Variants in RPS6KA6 observed in about 807,000 individuals in gnomAD.
RPS6KA6 encodes ribosomal protein S6 kinase A6, also known as ribosomal protein S6 kinase alpha-6.
Under a neutral mutation model 65.4 loss-of-function variants are expected in RPS6KA6, and 27 were observed. That is an observed-to-expected ratio of 0.41 (90% confidence interval 0.30 to 0.57). The LOEUF (loss-of-function observed/expected upper bound fraction) is 0.57, where lower values mean the gene tolerates loss of function less well. Ranked by LOEUF, RPS6KA6 falls within the 20% of genes least tolerant of loss-of-function variation. The pLI is 0.24. For synonymous variants in RPS6KA6, 190 were observed against 184.2 expected, an observed-to-expected ratio of 1.03 and a Z score of -0.26; for missense variants, 486 against 555.6, an observed-to-expected ratio of 0.87 and a Z score of 1.26.
chrX:84,158,707 C>T (rs1422388702), intron 2 of RPS6KA6, among the ~76,000 whole-genome samples: 2 of 111,387 alleles, frequency 1.8e-5, no homozygotes, highest in Non-Finnish European at 3.8e-5. Context: ...TAGCCATTTG[C>T]CTTTTTAAAT....
At chrX:84,150,679 A>G (rs866099201) in intron 3 of RPS6KA6, among the ~76,000 whole-genome samples, 2 of 108,442 alleles carry the variant, frequency 1.8e-5, no homozygotes, top group Non-Finnish European at 1.9e-5. Flanking sequence ...CGAAACAATG[A>G]CAACACTAAC....
chrX:84,138,789 TTACCTGTG>T (rs2035041469), intron 6 of RPS6KA6, among the ~76,000 whole-genome samples: 1 of 75,760 alleles, frequency 1.3e-5, no homozygotes, highest in Non-Finnish European at 2.5e-5. Flanking sequence ...TTCTGTTTGT[TTACCTGTG>T]TATTTGTGTG....
At chrX:84,151,178 A>AG (rs1569235919) in intron 3 of RPS6KA6, among the ~76,000 whole-genome samples, 30 of 99,636 alleles carry the variant, frequency 3.0e-4, no homozygotes, top group African/African-American at 1.1e-3. Context: ...ATATATATAT[A>AG]GCTATATAGG....
At chrX:84,115,455 C>A (rs2034547146) in intron 12 of RPS6KA6, among the ~76,000 whole-genome samples, 2 of 111,687 alleles carry the variant, frequency 1.8e-5, no homozygotes, top group African/African-American at 6.5e-5. Flanking sequence ...TAGAAAATAA[C>A]AGATGTTGGC....
chrX:84,150,728 A>G (rs930737300), intron 3 of RPS6KA6, among the ~76,000 whole-genome samples: 1 of 107,296 alleles, frequency 9.3e-6, no homozygotes, highest in Non-Finnish European at 1.9e-5. Context: ...TAACAGATAT[A>G]ACAGTAAGGA....
rs771511388 is a variant in RPS6KA6 at position 84,156,201 on chromosome X, G to T, written c.142-10C>A. On this transcript the variant is annotated splice_polypyrimidine_tract_variant and intron_variant, in intron 2 of 21. Coordinates refer to ENST00000262752, the MANE Select transcript of RPS6KA6 (RefSeq NM_014496.5). The stretch of plus-strand genomic sequence containing the variant: ...TAACAACTCCTTCATCCTGTAAAAA[G>T]AAATCCAAACAATACTTGAATCCAT... 1.1e-6 allele frequency: 1 copy of T among 932,006 alleles called. No individual in the cohort carries two copies. The highest frequency in any genetic ancestry group is 1.5e-6 in the Non-Finnish European group (1 of 646,672). 76.8% of individuals were successfully genotyped at this position (932,006 alleles called of 1,213,427 possible).
rs919929328 is a variant in RPS6KA6 at position 84,146,915 on chromosome X, C to A, written c.421+63G>T. The A allele has an allele frequency of 1.7e-4, 102 of 602,834 alleles. 1 individual carries two copies. In the East Asian group the frequency reaches 3.8e-3, roughly 22 times the overall value. The allele number at this position is 602,834 out of a possible 1,213,427, so 49.7% of individuals were successfully genotyped here. The stretch of plus-strand genomic sequence containing the variant: ...TATTGTGTGAAAGGAAATCATAATT[C>A]TCTAATTCCATATTAATAAATAAGG... On this transcript the variant is annotated intron_variant, in intron 5 of 21. Coordinates refer to ENST00000262752, the MANE Select transcript of RPS6KA6 (RefSeq NM_014496.5).
intron 12 of RPS6KA6, among the ~76,000 whole-genome samples, chrX:84,112,908 C>A (rs898316789): frequency 6.3e-5 from 7 of 111,443 alleles, no homozygotes; most frequent in African/African-American, 2.3e-4. Flanking sequence ...AGTTGATAGA[C>A]CTCTAGATGG....
At chrX:84,124,749 G>A (rs1311606763) in intron 8 of RPS6KA6, among the ~76,000 whole-genome samples, 1 of 111,460 alleles carries the variant, frequency 9.0e-6, no homozygotes, top group Non-Finnish European at 1.9e-5. Context: ...GTATTCAAAG[G>A]GATAATATCA....
chrX:84,147,051 G>A lies in RPS6KA6; in HGVS notation c.348C>T (p.Asp116=). ...VLKKASLKVR[D]RVRTKMERDI... is the part of the protein sequence containing the mutation. Reference sequence around the variant, plus strand: ...CCCTCTCCATCTTTGTCCGAACTCTGTCTCGAACTAAAAATTACATAAAGG... The same window carrying A: ...CCCTCTCCATCTTTGTCCGAACTCTATCTCGAACTAAAAATTACATAAAGG... Residue 116 remains aspartate, a synonymous_variant, in exon 5 of 22, where the codon GAC becomes GAT. Transcript: ENST00000262752. 1 of 1,146,136 alleles carries A rather than the reference G, an allele frequency of 8.7e-7. No individual in the cohort carries two copies. The highest frequency in any genetic ancestry group is 3.0e-5 in the East Asian group (1 of 33,160). 94.5% of individuals were successfully genotyped at this position (1,146,136 alleles called of 1,213,427 possible).
In RPS6KA6 at chrX:84,062,378, T is replaced by C. The variant is rs1368564194; in HGVS notation, c.*1899A>G. ...CAACACCAAAATCACACCTCTGAGT[T>C]TGACTTATCGATTCTGATAGGAAGG... On this transcript the variant is annotated 3_prime_UTR_variant, in exon 22 of 22. Coordinates refer to ENST00000262752, the MANE Select transcript of RPS6KA6 (RefSeq NM_014496.5). 9.0e-6 allele frequency: 1 copy of C among 111,472 alleles called. No individual in the cohort carries two copies. Among genetic ancestry groups the C allele is most frequent in the African/African-American group, 3.3e-5 (1 of 30,703 alleles). The allele number at this position is 111,472 out of a possible 1,213,427, so 9.2% of individuals were successfully genotyped here. A position where few individuals can be genotyped will look rare whatever the true frequency, so the allele number is the denominator to read the frequency against.
intron 1 of RPS6KA6, among the ~76,000 whole-genome samples, chrX:84,177,469 G>T (rs2035789772): frequency 9.0e-6 from 1 of 111,585 alleles, no homozygotes; most frequent in African/African-American, 3.3e-5. Flanking sequence ...TAAATAAAGA[G>T]CCAGAATTTA....
chrX:84,183,803 C>G (rs949085694), intron 1 of RPS6KA6, among the ~76,000 whole-genome samples: 2 of 110,398 alleles, frequency 1.8e-5, no homozygotes. Context: ...CATTCCTAAA[C>G]CACCACCACC....
Position 84,121,831 on chromosome X carries a change from G to A in RPS6KA6, c.647-1804C>T, listed in dbSNP as rs959017502. 3.6e-5 allele frequency among the ~76,000 whole-genome samples: 4 copies of A among 111,710 alleles called. No homozygotes were observed. The Admixed American group carries it at 3.8e-4, about 11-fold the overall frequency. On this transcript the variant is annotated intron_variant, in intron 8 of 21. Coordinates refer to ENST00000262752, the MANE Select transcript of RPS6KA6 (RefSeq NM_014496.5). ...AAAATAGAAATTCTTTGTGATCTTG[G>A]GTTAGACAAGGATTTCTTAGATACA... is the stretch of plus-strand genomic sequence containing the variant.
intron 20 of RPS6KA6, among the ~76,000 whole-genome samples, chrX:84,088,913 C>T (rs1390928646): frequency 8.9e-6 from 1 of 112,229 alleles, no homozygotes; most frequent in Non-Finnish European, 1.9e-5. Context: ...TGATCTGGCA[C>T]AGCAGCTGTG....
intron 1 of RPS6KA6, among the ~76,000 whole-genome samples, chrX:84,185,387 A>T (rs182452211): frequency 8.9e-6 from 1 of 111,910 alleles, no homozygotes; most frequent in Admixed American, 9.5e-5. Context: ...TCACCACAGA[A>T]CAATTTTACA....
At chrX:84,122,133 G>A (rs2062611540) in intron 8 of RPS6KA6, among the ~76,000 whole-genome samples, 1 of 111,337 alleles carries the variant, frequency 9.0e-6, no homozygotes, top group African/African-American at 3.3e-5. Context: ...GCTGAAAGAG[G>A]CACTGAAGAG....
At chrX:84,119,359 G>A (rs1050067902) in intron 9 of RPS6KA6, among the ~76,000 whole-genome samples, 2 of 111,601 alleles carry the variant, frequency 1.8e-5, no homozygotes, top group East Asian at 2.8e-4. Flanking sequence ...ACTGACTACT[G>A]CAAATTCTAT....
At chrX:84,088,523 C>T (rs987370669) in intron 20 of RPS6KA6, among the ~76,000 whole-genome samples, 1 of 111,959 alleles carries the variant, frequency 8.9e-6, no homozygotes, top group African/African-American at 3.3e-5. Flanking sequence ...CAGGGGGATA[C>T]TGACCTGTTG....
Sources: allele counts gnomAD v4.1 joint callset (sites outside exome capture counted in the v4.1 genomes callset), GRCh38; gene constraint gnomAD v4.1.1; transcripts MANE v1.5; gene names NCBI Gene and HGNC (gene_info 2026-07-23, HGNC 2026-07-21).